The following KATNAL2 variants were observed in gnomAD, a reference collection of about 807,000 sequenced individuals.
The protein encoded by KATNAL2 is katanin p60 ATPase-containing subunit A-like 2.
A neutral mutation model predicts 76.3 loss-of-function variants in KATNAL2; 52 were observed. That is an observed-to-expected ratio of 0.68 (90% CI 0.55 to 0.86). KATNAL2 has a LOEUF of 0.86. Among genes scored for constraint, KATNAL2 ranks in the 40% least tolerant of loss-of-function variants. KATNAL2 has a pLI of 0.00. For missense variants in KATNAL2, 660 were observed against 668.9 expected (o/e 0.99, Z 0.15); for synonymous variants, 243 against 244.2 (o/e 1.00, Z 0.05).
intron 3 of KATNAL2, among the ~76,000 whole-genome samples, chr18:46,967,198 C>T (rs1211388267): frequency 4.2e-5 from 5 of 120,236 alleles, no homozygotes; most frequent in South Asian, 5.1e-4. Flanking sequence ...TTCCCCGGAA[C>T]GAATGCTTTT....
At chr18:47,075,240 A>G (rs3816125) in intron 13 of KATNAL2, 37 bp from the exon 14 acceptor site, 644,372 of 1,511,798 alleles carry the variant, frequency 0.43, 141,361 homozygotes, top group Middle Eastern at 0.47. Flanking sequence ...CTTTAAGTCT[A>G]TAAGCTTGAA....
At chr18:46,951,265 G>A (rs2059545549) in intron 3 of KATNAL2, among the ~76,000 whole-genome samples, 1 of 151,886 alleles carries the variant, frequency 6.6e-6, no homozygotes, top group Non-Finnish European at 1.5e-5. Flanking sequence ...TTAACTTTTG[G>A]GACAAGACTC....
At chr18:46,944,757 T>A (rs923248470) in intron 1 of KATNAL2, among the ~76,000 whole-genome samples, 2 of 151,382 alleles carry the variant, frequency 1.3e-5, no homozygotes, top group South Asian at 4.2e-4. Context: ...TAAATAAAAA[T>A]AAAAAATAAA....
intron 1 of KATNAL2, among the ~76,000 whole-genome samples, chr18:46,928,485 T>G (rs1351775853): frequency 3.3e-5 from 5 of 152,156 alleles, no homozygotes; most frequent in African/African-American, 9.7e-5. Flanking sequence ...GAGGTGTCAG[T>G]CTGCCCCTAC....
intron 3 of KATNAL2, among the ~76,000 whole-genome samples, chr18:47,040,271 A>G (rs903675239): frequency 4.6e-5 from 7 of 152,252 alleles, no homozygotes; most frequent in African/African-American, 1.7e-4. Flanking sequence ...CAACTAGGAA[A>G]GACCGGCTGG....
intron 3 of KATNAL2, chr18:47,029,112 CT>C: frequency 2.0e-6 from 2 of 1,020,894 alleles, no homozygotes; most frequent in Non-Finnish European, 2.6e-6. Context: ...CTCTGACTGG[CT>C]TTCCTGGACA....
At chr18:46,962,495 A>G (rs2060011691) in intron 3 of KATNAL2, among the ~76,000 whole-genome samples, 1 of 9,366 alleles carries the variant, frequency 1.1e-4, no homozygotes, top group African/African-American at 6.0e-4. Flanking sequence ...GGCGTTATTT[A>G]AAAGACGATC....
chr18:47,034,184 C>G, intron 3 of KATNAL2: 1 of 1,614,162 alleles, frequency 6.2e-7, no homozygotes, highest in Non-Finnish European at 8.5e-7. Context: ...AGGGAGCTCA[C>G]GGACGTTCTG....
chr18:46,936,084 G>A (rs2059081817), intron 1 of KATNAL2, among the ~76,000 whole-genome samples: 1 of 152,054 alleles, frequency 6.6e-6, no homozygotes, highest in African/African-American at 2.4e-5. Flanking sequence ...GTATGATACA[G>A]AACCACAATG....
At chr18:46,923,956 T>C (rs1191869112) in intron 1 of KATNAL2, among the ~76,000 whole-genome samples, 2 of 152,194 alleles carry the variant, frequency 1.3e-5, no homozygotes, top group African/African-American at 4.8e-5. Context: ...TTTGAGTTCA[T>C]TGTAGATTCT....
chr18:47,073,417 G>A (rs777805409), intron 13 of KATNAL2, among the ~76,000 whole-genome samples: 14 of 152,140 alleles, frequency 9.2e-5, no homozygotes, highest in African/African-American at 1.4e-4. Context: ...GAAGGAACTC[G>A]TCTCATTTCC....
At chr18:46,961,630 T>C (rs887141047) in intron 3 of KATNAL2, among the ~76,000 whole-genome samples, 1 of 152,224 alleles carries the variant, frequency 6.6e-6, no homozygotes, top group Admixed American at 6.5e-5. Flanking sequence ...CTGCCAAACC[T>C]ATACAGGCAT....
chr18:47,084,443 G>T (rs1472251587), intron 15 of KATNAL2: 1 of 701,972 alleles, frequency 1.4e-6, no homozygotes, highest in Non-Finnish European at 2.6e-6. Flanking sequence ...TCTGCCACAG[G>T]TCAGCAAGCA....
intron 1 of KATNAL2, among the ~76,000 whole-genome samples, chr18:46,924,451 C>T (rs561507299): frequency 1.2e-4 from 19 of 152,254 alleles, no homozygotes; most frequent in Middle Eastern, 3.4e-3. Flanking sequence ...GTTTTGGTAC[C>T]AGTACCACAC....
rs1424168408 is a variant in KATNAL2, at chr18:46,917,670, G to GC, written c.-762dup. Reference sequence around the variant, plus strand: ...CTGCCCCGCGGCTTGGCCCCGCTCGGCCCCAGGTCGTGCCTTCCCTCCCCG... The same window carrying GC: ...CTGCCCCGCGGCTTGGCCCCGCTCGGCCCCCAGGTCGTGCCTTCCCTCCCCG... On this transcript the variant is annotated 5_prime_UTR_variant, in exon 1 of 18. Transcript: ENST00000683218. 3 of 596,070 alleles carry GC rather than the reference G, an allele frequency of 5.0e-6. No homozygotes were observed. In the Admixed American group the frequency reaches 1.9e-4, roughly 37 times the overall value. 36.9% of individuals were successfully genotyped at this position (596,070 alleles called of 1,614,324 possible).
chr18:47,033,629 C>T (rs201039150), intron 3 of KATNAL2: 3 of 1,614,194 alleles, frequency 1.9e-6, no homozygotes, highest in African/African-American at 1.3e-5. Context: ...TCTCCCACGT[C>T]GCTGAGGGCG....
At chr18:47,097,055 G>C (rs2147414002) in intron 15 of KATNAL2, among the ~76,000 whole-genome samples, 1 of 149,198 alleles carries the variant, frequency 6.7e-6, no homozygotes. Context: ...GGAGGTGTAG[G>C]TTGCAGTGAG....
intron 3 of KATNAL2, among the ~76,000 whole-genome samples, chr18:46,955,995 C>G (rs1404848380): frequency 1.3e-5 from 2 of 152,116 alleles, no homozygotes; most frequent in African/African-American, 4.8e-5. Context: ...GTTGCTCTTG[C>G]AGAGGTTGGT....
intron 15 of KATNAL2, among the ~76,000 whole-genome samples, chr18:47,082,055 CA>C: frequency 6.6e-6 from 1 of 152,196 alleles, no homozygotes. Flanking sequence ...CACTTTATCC[CA>C]ATATGTACAA....
Sources: allele counts gnomAD v4.1 joint callset (sites outside exome capture counted in the v4.1 genomes callset), GRCh38; gene constraint gnomAD v4.1.1; transcripts MANE v1.5; gene names NCBI Gene and HGNC (gene_info 2026-07-23, HGNC 2026-07-21).